The following TMEM135 variants were observed in gnomAD, a reference collection of about 807,000 sequenced individuals.
TMEM135 encodes peroxisomal membrane protein 52.
Under a neutral mutation model 60.3 loss-of-function variants are expected in TMEM135, and 30 were observed. The observed-to-expected ratio is 0.50, with a 90% CI of 0.37 to 0.68. The LOEUF is 0.68. Ranked by LOEUF, TMEM135 falls within the 30% of genes least tolerant of loss-of-function variation. TMEM135 has a pLI of 0.00. For missense variants in TMEM135, 468 were observed against 548.8 expected, an observed-to-expected ratio of 0.85 and a Z score of 1.47; for synonymous variants, 190 against 186.7, an observed-to-expected ratio of 1.02 and a Z score of -0.14.
intron 5 of TMEM135, among the ~76,000 whole-genome samples, chr11:87,183,561 T>G (rs550957136): frequency 1.1e-4 from 17 of 152,212 alleles, no homozygotes; most frequent in Non-Finnish European, 1.6e-4. Flanking sequence ...GACATTGCGG[T>G]TAAATTGTCT....
At chr11:87,053,654 C>G (rs554868098) in intron 1 of TMEM135, among the ~76,000 whole-genome samples, 78 of 152,032 alleles carry the variant, frequency 5.1e-4, no homozygotes, top group Non-Finnish European at 7.8e-4. Context: ...TGTTTTCATC[C>G]CCAAGGACTT....
At chr11:87,042,480 G>A (rs1395018938) in intron 1 of TMEM135, among the ~76,000 whole-genome samples, 4 of 152,166 alleles carry the variant, frequency 2.6e-5, no homozygotes, top group African/African-American at 9.7e-5. Context: ...TGGTTTTTAT[G>A]ACCTGCCTTG....
At chr11:87,130,552 C>T (rs1453993753) in intron 4 of TMEM135, among the ~76,000 whole-genome samples, 4 of 152,134 alleles carry the variant, frequency 2.6e-5, no homozygotes, top group Non-Finnish European at 4.4e-5. Flanking sequence ...CTGTCTTTTT[C>T]ATGGGTTATA....
rs186028046 is a variant in TMEM135 at position 87,142,899 on chromosome 11, T to A, written c.397-14442T>A. ...AGAAGGTTTTTGACAATCATTTCATTTTTTTTTTCTTCCTCCTTTTCTATC... is the reference window on the plus strand; with the variant it reads ...AGAAGGTTTTTGACAATCATTTCATATTTTTTTTCTTCCTCCTTTTCTATC... On this transcript the variant is annotated intron_variant, in intron 4 of 14. Coordinates refer to ENST00000305494, the MANE Select transcript of TMEM135 (RefSeq NM_022918.4). 7.9e-5 allele frequency among the ~76,000 whole-genome samples: 12 copies of A among 151,548 alleles called. No individual in the cohort carries two copies. In the East Asian group the frequency reaches 2.4e-3, roughly 30 times the overall value.
intron 5 of TMEM135, among the ~76,000 whole-genome samples, chr11:87,193,181 T>C (rs1010329821): frequency 4.6e-5 from 7 of 152,144 alleles, no homozygotes; most frequent in East Asian, 1.9e-4. Flanking sequence ...AAGTTAAGAC[T>C]GAGTGATACA....
intron 7 of TMEM135, 33 bp downstream of exon 7, chr11:87,295,856 A>C (rs1408550403): frequency 6.4e-7 from 1 of 1,551,036 alleles, no homozygotes; most frequent in Non-Finnish European, 8.9e-7. Flanking sequence ...TTGAGAGAGA[A>C]TTTACAAGTT....
At chr11:87,285,857 G>A (rs1289879606) in intron 6 of TMEM135, among the ~76,000 whole-genome samples, 2 of 152,130 alleles carry the variant, frequency 1.3e-5, no homozygotes, top group Non-Finnish European at 2.9e-5. Flanking sequence ...AGAGCTGATT[G>A]GTCCGTTTTA....
At chr11:87,070,405 G>T (rs1856752851) in intron 2 of TMEM135, among the ~76,000 whole-genome samples, 1 of 151,990 alleles carries the variant, frequency 6.6e-6, no homozygotes, top group South Asian at 2.1e-4. Context: ...AGCACTTTGG[G>T]GGGCCGAGGC....
At chr11:87,171,554 A>G (rs1304793791) in intron 5 of TMEM135, among the ~76,000 whole-genome samples, 1 of 152,080 alleles carries the variant, frequency 6.6e-6, no homozygotes, top group Admixed American at 6.6e-5. Context: ...ATGAAAAAAT[A>G]CTCGTCTGCA....
chr11:87,065,422 A>G (rs761801650), intron 1 of TMEM135, among the ~76,000 whole-genome samples: 2 of 152,082 alleles, frequency 1.3e-5, no homozygotes, highest in Non-Finnish European at 2.9e-5. Flanking sequence ...TTTAACTAGC[A>G]TTTTCCTGAT....
chr11:87,240,414 G>A (rs1591129232), intron 6 of TMEM135, among the ~76,000 whole-genome samples: 1 of 151,774 alleles, frequency 6.6e-6, no homozygotes, highest in Admixed American at 6.6e-5. Context: ...AGAAAATTTG[G>A]TCTCATGCAC....
chr11:87,049,909 G>T (rs1268577300), intron 1 of TMEM135, among the ~76,000 whole-genome samples: 1 of 105,460 alleles, frequency 9.5e-6, no homozygotes, highest in Non-Finnish European at 1.9e-5. Flanking sequence ...TGACCACATA[G>T]TTGGAAGTAA....
chr11:87,225,783 C>T (rs1940752977), intron 5 of TMEM135, among the ~76,000 whole-genome samples: 1 of 152,072 alleles, frequency 6.6e-6, no homozygotes, highest in Admixed American at 6.6e-5. Flanking sequence ...GGCTTTGAGT[C>T]TTGCTTCAGC....
At chr11:87,312,157 CT>C (rs991709577) in intron 10 of TMEM135, among the ~76,000 whole-genome samples, 5 of 146,628 alleles carry the variant, frequency 3.4e-5, no homozygotes, top group African/African-American at 7.4e-5. Context: ...GTATTTGTTC[CT>C]TTTTTTCTTC....
chr11:87,142,403 T>G (rs1463807073), intron 4 of TMEM135, among the ~76,000 whole-genome samples: 1 of 152,166 alleles, frequency 6.6e-6, no homozygotes, highest in Non-Finnish European at 1.5e-5. Flanking sequence ...AAGGCTGATT[T>G]GTGTGCAAAA....
chr11:87,322,867 A>G lies in TMEM135; in HGVS notation c.*1534A>G, dbSNP rs1942847850. ...TTTGGCATTATGATTAGCTTTGTAGAACTGACCTGTTTATTTGGCAATGCT... is the reference window on the plus strand; with the variant it reads ...TTTGGCATTATGATTAGCTTTGTAGGACTGACCTGTTTATTTGGCAATGCT... On this transcript the variant is annotated 3_prime_UTR_variant, in exon 15 of 15. Coordinates refer to ENST00000305494, the MANE Select transcript of TMEM135 (RefSeq NM_022918.4). 1 of 454,278 alleles carries G rather than the reference A, an allele frequency of 2.2e-6. No individual in the cohort carries two copies. Among genetic ancestry groups the G allele is most frequent in the African/African-American group, 2.0e-5 (1 of 49,986 alleles). The allele number at this position is 454,278 out of a possible 1,614,324, so 28.1% of individuals were successfully genotyped here.
At chr11:87,201,401 A>T (rs917565495) in intron 5 of TMEM135, among the ~76,000 whole-genome samples, 1 of 152,330 alleles carries the variant, frequency 6.6e-6, no homozygotes, top group Admixed American at 6.5e-5. Flanking sequence ...TTTGTATAGT[A>T]TATATTCCTG....
intron 4 of TMEM135, among the ~76,000 whole-genome samples, chr11:87,152,339 C>T (rs947066699): frequency 6.6e-6 from 1 of 151,992 alleles, no homozygotes; most frequent in African/African-American, 2.4e-5. Context: ...TCTATATGTT[C>T]ACTGTAGTAT....
At chr11:87,253,601 C>A (rs1234985271) in intron 6 of TMEM135, among the ~76,000 whole-genome samples, 1 of 37,722 alleles carries the variant, frequency 2.7e-5, no homozygotes, top group African/African-American at 1.1e-4. Flanking sequence ...CTTTGTCAAT[C>A]AAGATTGTTG....
Sources: allele counts gnomAD v4.1 joint callset (sites outside exome capture counted in the v4.1 genomes callset), GRCh38; gene constraint gnomAD v4.1.1; transcripts MANE v1.5; gene names NCBI Gene and HGNC (gene_info 2026-07-23, HGNC 2026-07-21).